Variants in CMSS1 observed in about 807,000 individuals in gnomAD.
CMSS1 encodes cms1 ribosomal small subunit homolog, also known as protein CMSS1.
Under a neutral mutation model 43.5 loss-of-function variants are expected in CMSS1, and 33 were observed. The ratio of observed to expected loss-of-function variants is 0.76; its 90% CI spans 0.57 to 1.01. The LOEUF (loss-of-function observed/expected upper bound fraction) is 1.01, where lower values mean the gene tolerates loss of function less well. CMSS1 is among the 50% of genes least tolerant of loss of function. The pLI is 0.00. For synonymous variants in CMSS1, 115 were observed against 117.2 expected, an observed-to-expected ratio of 0.98 and a Z score of 0.12; for missense variants, 313 against 326.4, an observed-to-expected ratio of 0.96 and a Z score of 0.32.
chr3:99,988,426 C>T (rs1459965791), intron 1 of CMSS1, among the ~76,000 whole-genome samples: 2 of 144,816 alleles, frequency 1.4e-5, no homozygotes, highest in South Asian at 2.2e-4. Context: ...ACAGGAGAAT[C>T]GCTTGAATGT....
chr3:100,092,227 C>T (rs925220649), intron 1 of CMSS1, among the ~76,000 whole-genome samples: 1 of 151,984 alleles, frequency 6.6e-6, no homozygotes, highest in Non-Finnish European at 1.5e-5. Context: ...TATTCTATAA[C>T]AGTATTAAAT....
chr3:99,926,482 A>G (rs1576577717), intron 1 of CMSS1, among the ~76,000 whole-genome samples: 1 of 152,230 alleles, frequency 6.6e-6, no homozygotes, highest in Non-Finnish European at 1.5e-5. Context: ...ATTAGAGTCC[A>G]TTGTAAGGAA....
chr3:99,922,556 A>G (rs1297643925), intron 1 of CMSS1, among the ~76,000 whole-genome samples: 1 of 152,206 alleles, frequency 6.6e-6, no homozygotes, highest in African/African-American at 2.4e-5. Flanking sequence ...AAAATAAATG[A>G]AAGTTTGCTA....
intron 4 of CMSS1, among the ~76,000 whole-genome samples, chr3:100,163,934 A>G (rs539690710): frequency 1.5e-4 from 23 of 152,312 alleles, no homozygotes; most frequent in African/African-American, 5.1e-4. Flanking sequence ...TAGAAGCTTG[A>G]GAAGCTGAAA....
chr3:99,963,367 G>A (rs779908030), intron 1 of CMSS1, among the ~76,000 whole-genome samples: 7 of 152,142 alleles, frequency 4.6e-5, no homozygotes, highest in African/African-American at 1.7e-4. Flanking sequence ...GTCATGATCC[G>A]TGGAGCCTGT....
intron 1 of CMSS1, among the ~76,000 whole-genome samples, chr3:99,843,888 A>G (rs183011083): frequency 1.7e-4 from 26 of 152,236 alleles, no homozygotes; most frequent in African/African-American, 2.4e-4. Flanking sequence ...CACGAACCCT[A>G]TTGTGAACTG....
At chr3:100,076,149 C>T (rs2065847138) in intron 1 of CMSS1, among the ~76,000 whole-genome samples, 1 of 152,250 alleles carries the variant, frequency 6.6e-6, no homozygotes, top group African/African-American at 2.4e-5. Context: ...TTATCTTGCC[C>T]GGAAAACCCT....
chr3:100,142,347 T>C (rs1036638251), intron 1 of CMSS1, among the ~76,000 whole-genome samples: 17 of 152,242 alleles, frequency 1.1e-4, no homozygotes, highest in African/African-American at 3.9e-4. Flanking sequence ...TTTTCTCTTG[T>C]CATTATTCCA....
chr3:99,997,454 G>C (rs1709716061), intron 1 of CMSS1, among the ~76,000 whole-genome samples: 1 of 152,150 alleles, frequency 6.6e-6, no homozygotes, highest in African/African-American at 2.4e-5. Flanking sequence ...CAGATTTTGA[G>C]GCTAAGTCTT....
chr3:100,014,741 C>A (rs1041669573), intron 1 of CMSS1, among the ~76,000 whole-genome samples: 1 of 148,382 alleles, frequency 6.7e-6, no homozygotes, highest in Non-Finnish European at 1.5e-5. Context: ...GGATATTAAC[C>A]CTTTATCAGA....
intron 1 of CMSS1, among the ~76,000 whole-genome samples, chr3:100,027,380 T>A (rs1486877913): frequency 6.6e-6 from 1 of 152,190 alleles, no homozygotes; most frequent in Non-Finnish European, 1.5e-5. Context: ...ACAATTTTTT[T>A]AACTTTGGGC....
At chr3:99,871,954 A>G (rs1314252292) in intron 1 of CMSS1, among the ~76,000 whole-genome samples, 1 of 151,286 alleles carries the variant, frequency 6.6e-6, no homozygotes, top group Non-Finnish European at 1.5e-5. Context: ...TTGCTTTTTT[A>G]TTGCTTATAC....
chr3:99,880,690 AT>A (rs971904178), intron 1 of CMSS1, among the ~76,000 whole-genome samples: 203 of 152,056 alleles, frequency 1.3e-3, no homozygotes, highest in African/African-American at 4.0e-3. Context: ...TTAATTTAAA[AT>A]TTTTTTTATT....
At position 100,062,109 on chromosome 3, in the gene CMSS1, T is replaced by C. The variant is rs1442390288; in HGVS notation, c.65-84864T>C. Among the ~76,000 whole-genome samples, 571 of 70,588 alleles carry C rather than the reference T, an allele frequency of 8.1e-3. 7 individuals are homozygous for C. The highest frequency in any genetic ancestry group is 0.017 in the South Asian group (26 of 1,542). 46.3% of individuals were successfully genotyped at this position (70,588 alleles called of 152,430 possible). A position where few individuals can be genotyped will look rare whatever the true frequency, so the allele number is the denominator to read the frequency against. On this transcript the variant is annotated intron_variant, in intron 1 of 9. Coordinates refer to ENST00000421999, the MANE Select transcript of CMSS1 (RefSeq NM_032359.4). ...TGTCTTCTTCTTTTTTTTTTTTTTTTTTTTTTTTTTTTTTTTTTTTGAGAC... is the reference window on the plus strand; with the variant it reads ...TGTCTTCTTCTTTTTTTTTTTTTTTCTTTTTTTTTTTTTTTTTTTTGAGAC...
intron 1 of CMSS1, among the ~76,000 whole-genome samples, chr3:99,987,642 T>A (rs970498455): frequency 2.0e-5 from 3 of 152,150 alleles, no homozygotes; most frequent in East Asian, 3.8e-4. Context: ...AAGCCACATG[T>A]CTGACAAGAC....
At chr3:99,959,595 T>C (rs1211483124) in intron 1 of CMSS1, among the ~76,000 whole-genome samples, 2 of 152,218 alleles carry the variant, frequency 1.3e-5, no homozygotes, top group Admixed American at 6.5e-5. Context: ...TATAATTTCT[T>C]TAGCAGTCTG....
At chr3:100,168,037 A>G (rs2067079303) in intron 6 of CMSS1, among the ~76,000 whole-genome samples, 197 bp downstream of exon 6, 1 of 152,224 alleles carries the variant, frequency 6.6e-6, no homozygotes, top group Non-Finnish European at 1.5e-5. Flanking sequence ...TTGATAAGTT[A>G]TGTAAGGAAA....
At position 100,057,732 on chromosome 3, in the gene CMSS1, G is replaced by A. The variant is rs374449306; in HGVS notation, c.65-89241G>A. On this transcript the variant is annotated intron_variant, in intron 1 of 9. Coordinates refer to ENST00000421999, the MANE Select transcript of CMSS1 (RefSeq NM_032359.4). ...GTTTCATAAATGCATGCATTTGGTC[G>A]CAGAAGGTATGGATGTGAGCGTGGC... is the stretch of plus-strand genomic sequence containing the variant. Among the ~76,000 whole-genome samples, 124 of 152,252 alleles carry A rather than the reference G, an allele frequency of 8.1e-4. 1 individual carries two copies. The highest frequency in any genetic ancestry group is 5.3e-4 in the African/African-American group (22 of 41,546).
chr3:100,021,890 A>C (rs2064823592), intron 1 of CMSS1, among the ~76,000 whole-genome samples: 1 of 148,742 alleles, frequency 6.7e-6, no homozygotes, highest in Admixed American at 6.7e-5. Flanking sequence ...AACTGTTCTT[A>C]GAATAGCTTG....
Sources: gnomAD v4.1 joint callset for allele counts (sites outside exome capture counted in the v4.1 genomes callset) on GRCh38, gnomAD v4.1.1 for gene constraint, MANE v1.5 for transcripts, NCBI Gene and HGNC (gene_info 2026-07-23, HGNC 2026-07-21) for gene names.